Variants in CSMD1 observed in about 807,000 individuals in gnomAD.
CSMD1 encodes the protein CUB and sushi domain-containing protein 1.
CSMD1 carries 213 observed loss-of-function variants against 417.5 expected under a neutral mutation model. The observed-to-expected ratio is 0.51, with a 90% CI of 0.46 to 0.57. The LOEUF is 0.57. Ranked by LOEUF, CSMD1 falls within the 20% of genes least tolerant of loss-of-function variation. The probability of loss-of-function intolerance (pLI) is 0.00; values close to 1 mark genes in which losing one functional copy is unlikely to be tolerated. For missense variants in CSMD1, 6,923 were observed against 4,529.7 expected (o/e 1.53, Z -15.17); for synonymous variants, 2,862 against 1,736.8 (o/e 1.65, Z -16.11).
intron 2 of CSMD1, among the ~76,000 whole-genome samples, chr8:4,501,649 A>G (rs1045518984): frequency 1.3e-5 from 2 of 151,870 alleles, no homozygotes; most frequent in African/African-American, 2.4e-5. Context: ...GCGCCATCCC[A>G]CTCCATCCCA....
At chr8:3,705,022 T>C (rs145126837) in intron 7 of CSMD1, among the ~76,000 whole-genome samples, 4 of 152,304 alleles carry the variant, frequency 2.6e-5, no homozygotes, top group South Asian at 2.1e-4. Flanking sequence ...ACCAAAACCT[T>C]GAACATTTTC....
At chr8:3,134,895 G>A (rs1265581165) in intron 41 of CSMD1, among the ~76,000 whole-genome samples, 1 of 152,186 alleles carries the variant, frequency 6.6e-6, no homozygotes, top group Non-Finnish European at 1.5e-5. Flanking sequence ...GTGTGGCGCA[G>A]AGTGAGCACA....
chr8:4,495,308 G>T (rs939913292), intron 2 of CSMD1, among the ~76,000 whole-genome samples: 4 of 152,176 alleles, frequency 2.6e-5, no homozygotes, highest in Admixed American at 1.3e-4. Flanking sequence ...GGGCACGGTG[G>T]CTCACGCCTG....
intron 5 of CSMD1, among the ~76,000 whole-genome samples, chr8:3,825,693 A>G (rs1392223580): frequency 6.6e-6 from 1 of 152,154 alleles, no homozygotes; most frequent in Non-Finnish European, 1.5e-5. Context: ...GAGCTCCCTC[A>G]AAGACATAGT....
At chr8:3,847,921 T>G (rs1803620476) in intron 5 of CSMD1, among the ~76,000 whole-genome samples, 1 of 152,178 alleles carries the variant, frequency 6.6e-6, no homozygotes, top group Non-Finnish European at 1.5e-5. Flanking sequence ...TAAATAAAGG[T>G]AAGTGCATAT....
chr8:3,929,467 T>G (rs745738812), intron 5 of CSMD1, among the ~76,000 whole-genome samples: 1 of 150,410 alleles, frequency 6.6e-6, no homozygotes, highest in African/African-American at 2.5e-5. Flanking sequence ...ACAAATCAGC[T>G]ACAGGTGCTG....
At chr8:3,138,682 T>A (rs1430192867) in intron 41 of CSMD1, among the ~76,000 whole-genome samples, 1 of 152,158 alleles carries the variant, frequency 6.6e-6, no homozygotes, top group East Asian at 1.9e-4. Context: ...AGGCTGAGAT[T>A]GCTACACGTG....
At chr8:4,314,905 C>G (rs1452387172) in intron 3 of CSMD1, among the ~76,000 whole-genome samples, 1 of 152,144 alleles carries the variant, frequency 6.6e-6, no homozygotes, top group Non-Finnish European at 1.5e-5. Flanking sequence ...AATTGGGCTC[C>G]TAAAAACACA....
Position 4,630,074 on chromosome 8 carries a change from G to A in CSMD1, c.302+7268C>T, listed in dbSNP as rs190418545. On this transcript the variant is annotated intron_variant, in intron 2 of 69. Transcript: ENST00000635120. Reference sequence around the variant, plus strand: ...GCCAAGATATGGAAGTGAACCATCCGTTTTTAGCTACCGCAAAACACACCA... The same window carrying A: ...GCCAAGATATGGAAGTGAACCATCCATTTTTAGCTACCGCAAAACACACCA... Among the ~76,000 whole-genome samples, 166 of 152,210 alleles carry A rather than the reference G, an allele frequency of 1.1e-3. 1 individual carries two copies. Among genetic ancestry groups the A allele is most frequent in the Non-Finnish European group, 1.6e-3 (108 of 68,018 alleles).
At chr8:3,387,769 T>C in intron 17 of CSMD1, 87 bp from the exon 18 acceptor site, 2 of 1,085,962 alleles carry the variant, frequency 1.8e-6, no homozygotes, top group Non-Finnish European at 2.6e-6. Context: ...TACGAAATAG[T>C]CTCAGAAATA....
At chr8:3,911,994 A>C (rs1808495007) in intron 5 of CSMD1, among the ~76,000 whole-genome samples, 1 of 152,208 alleles carries the variant, frequency 6.6e-6, no homozygotes, top group South Asian at 2.1e-4. Flanking sequence ...CGATAAAAAT[A>C]GTTCAAAGGA....
At chr8:4,043,065 C>G (rs1238074469) in intron 3 of CSMD1, among the ~76,000 whole-genome samples, 1 of 151,886 alleles carries the variant, frequency 6.6e-6, no homozygotes, top group Non-Finnish European at 1.5e-5. Flanking sequence ...CTTGGAGGCA[C>G]AGGGTGCAGT....
intron 23 of CSMD1, among the ~76,000 whole-genome samples, chr8:3,318,588 T>C (rs370567943): frequency 1.3e-5 from 2 of 152,354 alleles, no homozygotes; most frequent in East Asian, 3.9e-4. Flanking sequence ...GCAGTATCTT[T>C]CGTGACACAA....
At chr8:3,517,259 A>T (rs1797319446) in intron 10 of CSMD1, among the ~76,000 whole-genome samples, 1 of 152,234 alleles carries the variant, frequency 6.6e-6, no homozygotes, top group South Asian at 2.1e-4. Flanking sequence ...ACTTGAAAAG[A>T]CACAGAGTTG....
At chr8:4,291,830 T>C (rs566864416) in intron 3 of CSMD1, among the ~76,000 whole-genome samples, 18 of 152,306 alleles carry the variant, frequency 1.2e-4, no homozygotes, top group South Asian at 2.1e-4. Flanking sequence ...GTAAACCATA[T>C]GGCCTTTGCA....
chr8:3,533,673 A>C (rs912715693), intron 10 of CSMD1, among the ~76,000 whole-genome samples: 1 of 152,118 alleles, frequency 6.6e-6, no homozygotes, highest in Non-Finnish European at 1.5e-5. Flanking sequence ...GCTTCACTCC[A>C]CTAACACTTA....
intron 26 of CSMD1, among the ~76,000 whole-genome samples, chr8:3,262,230 TAC>T (rs1554490216): frequency 2.5e-4 from 24 of 95,678 alleles, no homozygotes; most frequent in South Asian, 1.1e-3. Context: ...TATATATATA[TAC>T]ACACACATAG....
intron 3 of CSMD1, among the ~76,000 whole-genome samples, chr8:4,080,279 G>T (rs11781684): frequency 6.6e-6 from 1 of 152,078 alleles, no homozygotes; most frequent in South Asian, 2.1e-4. Flanking sequence ...CTTGACAAGT[G>T]CACACCACGG....
chr8:3,242,755 G>T (rs1033155021), intron 26 of CSMD1, among the ~76,000 whole-genome samples: 10 of 151,594 alleles, frequency 6.6e-5, no homozygotes, highest in Non-Finnish European at 1.2e-4. Flanking sequence ...AGACATGGAG[G>T]GAAGGGGTTC....
Sources: gnomAD v4.1 joint callset for allele counts (sites outside exome capture counted in the v4.1 genomes callset) on GRCh38, gnomAD v4.1.1 for gene constraint, MANE v1.5 for transcripts, NCBI Gene and HGNC (gene_info 2026-07-23, HGNC 2026-07-21) for gene names.